TEX36: variants seen among roughly 807,000 people sequenced by gnomAD.
TEX36 encodes the protein testis expressed 36.
Under a neutral mutation model 13.6 loss-of-function variants are expected in TEX36, and 12 were observed. The ratio of observed to expected loss-of-function variants is 0.88; its 90% CI spans 0.56 to 1.43. The LOEUF is 1.43. Ranked by LOEUF, TEX36 falls within the 40% of genes most tolerant of loss-of-function variation. The pLI, the probability that TEX36 is intolerant of heterozygous loss-of-function variation, is 0.00. For missense variants in TEX36, 224 were observed against 228.3 expected, an observed-to-expected ratio of 0.98 and a Z score of 0.12; for synonymous variants, 93 against 83.0, an observed-to-expected ratio of 1.12 and a Z score of -0.65.
intron 3 of TEX36, among the ~76,000 whole-genome samples, chr10:125,634,317 C>A (rs912982608): frequency 6.6e-6 from 1 of 152,128 alleles, no homozygotes; most frequent in African/African-American, 2.4e-5. Context: ...GAGGAGGTGA[C>A]CTGACCTCAT....
At chr10:125,581,112 C>T (rs111468659) in intron 3 of TEX36, among the ~76,000 whole-genome samples, 1 of 152,174 alleles carries the variant, frequency 6.6e-6, no homozygotes, top group African/African-American at 2.4e-5. Context: ...GACAGCTTCC[C>T]TCCCATCTCA....
At chr10:125,648,634 A>AC (rs1846807828) in intron 3 of TEX36, among the ~76,000 whole-genome samples, 1 of 152,250 alleles carries the variant, frequency 6.6e-6, no homozygotes, top group Non-Finnish European at 1.5e-5. Context: ...CAGCAATGGA[A>AC]CAAAGCTGGA....
At chr10:125,663,407 A>T (rs999309924) in intron 1 of TEX36, among the ~76,000 whole-genome samples, 38 of 152,170 alleles carry the variant, frequency 2.5e-4, no homozygotes, top group African/African-American at 8.0e-4. Context: ...TTTTTAGTAG[A>T]TACTCAGTAG....
intron 3 of TEX36, among the ~76,000 whole-genome samples, chr10:125,612,684 A>G (rs1413131245): frequency 6.6e-6 from 1 of 152,144 alleles, no homozygotes; most frequent in Non-Finnish European, 1.5e-5. Context: ...GGGCTTTATA[A>G]GCAGGCAAAC....
chr10:125,618,809 T>C (rs1369184268), downstream of TEX36, among the ~76,000 whole-genome samples: 1 of 151,798 alleles, frequency 6.6e-6, no homozygotes, highest in Non-Finnish European at 1.5e-5. Context: ...GTGACGGTGT[T>C]AAAGAGATAA....
chr10:125,596,630 T>A (rs540706617), intron 3 of TEX36, among the ~76,000 whole-genome samples: 1 of 152,238 alleles, frequency 6.6e-6, no homozygotes, highest in African/African-American at 2.4e-5. Flanking sequence ...AGCCATTACA[T>A]TTGTGGCAAT....
At chr10:125,576,892 G>T (rs545317636) in intron 3 of TEX36, 27 of 1,535,952 alleles carry the variant, frequency 1.8e-5, no homozygotes, top group Non-Finnish European at 2.2e-5. Context: ...GAAGAGGGAA[G>T]ATGTAGAACC....
intron 1 of TEX36, among the ~76,000 whole-genome samples, chr10:125,663,358 A>G (rs1847075325): frequency 6.6e-6 from 1 of 152,262 alleles, no homozygotes; most frequent in African/African-American, 2.4e-5. Context: ...GTGCTGCAAT[A>G]AACATGCAAG....
intron 1 of TEX36, among the ~76,000 whole-genome samples, chr10:125,673,122 T>G (rs774685738): frequency 5.9e-5 from 9 of 152,240 alleles, no homozygotes; most frequent in Non-Finnish European, 1.0e-4. Context: ...TTTAGCCCAT[T>G]TACATTTAAG....
At chr10:125,591,596 G>A (rs530093975) in intron 3 of TEX36, among the ~76,000 whole-genome samples, 4 of 152,230 alleles carry the variant, frequency 2.6e-5, no homozygotes, top group East Asian at 1.9e-4. Context: ...CAATACCCTC[G>A]TGTCTGCCAT....
intron 1 of TEX36, chr10:125,667,395 TG>T: frequency 1.5e-6 from 1 of 656,346 alleles, no homozygotes. Context: ...GGCTCCGCAA[TG>T]GGCACAATGC....
chr10:125,646,902 G>A (rs982116711), intron 3 of TEX36, among the ~76,000 whole-genome samples: 2 of 152,144 alleles, frequency 1.3e-5, no homozygotes, highest in Non-Finnish European at 2.9e-5. Context: ...AATTCTATAG[G>A]TATTTGCAAT....
intron 3 of TEX36, among the ~76,000 whole-genome samples, chr10:125,636,598 G>C (rs1335158569): frequency 6.6e-6 from 1 of 152,134 alleles, no homozygotes; most frequent in Admixed American, 6.5e-5. Flanking sequence ...AGTTCCAAAT[G>C]AGTTCACAAA....
chr10:125,613,116 C>T (rs1846310738), intron 3 of TEX36, among the ~76,000 whole-genome samples: 1 of 151,536 alleles, frequency 6.6e-6, no homozygotes, highest in South Asian at 2.1e-4. Flanking sequence ...AGGTGCCCCG[C>T]CCGACTGTCA....
downstream of TEX36, among the ~76,000 whole-genome samples, chr10:125,653,997 A>T (rs367927380): frequency 5.3e-5 from 8 of 152,158 alleles, no homozygotes; most frequent in Non-Finnish European, 8.8e-5. Flanking sequence ...GAAAATGAGG[A>T]TATATACTCT....
chr10:125,658,707 G>A (rs1369283779), intron 3 of TEX36, among the ~76,000 whole-genome samples: 2 of 151,860 alleles, frequency 1.3e-5, no homozygotes, highest in Non-Finnish European at 2.9e-5. Flanking sequence ...CTAGATATTA[G>A]CAATGAATAG....
chr10:125,585,018 C>G (rs891304247), intron 3 of TEX36, among the ~76,000 whole-genome samples: 8 of 152,128 alleles, frequency 5.3e-5, no homozygotes, highest in African/African-American at 1.9e-4. Flanking sequence ...GAAAATCCAG[C>G]CTTAGGCAAG....
At chr10:125,677,186 T>G (rs926371099) in intron 1 of TEX36, among the ~76,000 whole-genome samples, 16 of 152,220 alleles carry the variant, frequency 1.1e-4, no homozygotes, top group African/African-American at 3.6e-4. Context: ...GGAGAAGACC[T>G]TTTTGTATTG....
intron 3 of TEX36, among the ~76,000 whole-genome samples, chr10:125,609,169 C>CA (rs869082542): frequency 3.2e-3 from 190 of 58,962 alleles, no homozygotes; most frequent in Non-Finnish European, 4.2e-3. Context: ...AAAAACAAAA[C>CA]AAAAAAAAAA....
Sources: allele counts gnomAD v4.1 joint callset (sites outside exome capture counted in the v4.1 genomes callset), GRCh38; gene constraint gnomAD v4.1.1; transcripts MANE v1.5; gene names NCBI Gene and HGNC (gene_info 2026-07-23, HGNC 2026-07-21).